The following ABCA9 variants were observed in gnomAD, a reference collection of about 807,000 sequenced individuals.
The protein encoded by ABCA9 is ATP binding cassette subfamily A member 9, also known as ATP-binding cassette sub-family A member 9.
ABCA9 carries 183 observed loss-of-function variants against 205.3 expected under a neutral mutation model. The observed-to-expected ratio is 0.89, with a 90% CI of 0.79 to 1.01. The LOEUF (loss-of-function observed/expected upper bound fraction) is 1.01. ABCA9 is among the 50% of genes least tolerant of loss of function. The probability of loss-of-function intolerance (pLI) is 0.00; values close to 1 mark genes in which losing one functional copy is unlikely to be tolerated. For synonymous variants in ABCA9, 651 were observed against 683.3 expected (o/e 0.95, Z 0.74); for missense variants, 1,805 against 1,912.4 (o/e 0.94, Z 1.05).
chr17:69,053,754 A>C (rs1490382626), intron 1 of ABCA9, among the ~76,000 whole-genome samples: 4 of 150,102 alleles, frequency 2.7e-5, no homozygotes, highest in African/African-American at 9.7e-5. Flanking sequence ...AGAAAGGAAC[A>C]GAAGAAATAC....
intron 6 of ABCA9, 150 bp from the exon 7 acceptor site, chr17:69,035,951 T>A (rs1467500294): frequency 4.2e-6 from 4 of 960,646 alleles, no homozygotes; most frequent in South Asian, 2.3e-5. Context: ...ACCCTCAGGA[T>A]CACATAATAT....
chr17:69,068,096 C>G, the ABCA9 span, among the ~76,000 whole-genome samples: 1 of 152,162 alleles, frequency 6.6e-6, no homozygotes, highest in Non-Finnish European at 1.5e-5. Context: ...GGTCTTTTTT[C>G]TCCAGAGAAA....
Position 69,026,963 on chromosome 17 carries a change from AAC to A in ABCA9, c.2050+11_2050+12del, listed in dbSNP as rs1260825588. The A allele has an allele frequency of 8.1e-6, 13 of 1,613,518 alleles. No individual in the cohort carries two copies. The highest frequency in any genetic ancestry group is 1.1e-5 in the Non-Finnish European group (13 of 1,179,772). ...ACCTCTCATGAAGATACATAAGAGA[AAC>A]AAAAAATTACCCGCCAGAATGTCAG... On this transcript the variant is annotated intron_variant, in intron 15 of 38. Coordinates refer to ENST00000340001, the MANE Select transcript of ABCA9 (RefSeq NM_080283.4).
At chr17:69,036,898 A>AAAAAAAAAAAAG (rs2071359813) in intron 6 of ABCA9, among the ~76,000 whole-genome samples, 1 of 121,554 alleles carries the variant, frequency 8.2e-6, no homozygotes, top group African/African-American at 2.9e-5. Context: ...AAAAAAAAAA[A>AAAAAAAAAAAAG]GCAGAGGTTG....
chr17:69,050,357 C>CGA (rs1436131157), intron 2 of ABCA9, among the ~76,000 whole-genome samples: 9 of 134,010 alleles, frequency 6.7e-5, no homozygotes, highest in Admixed American at 3.5e-4. Context: ...CACACACACA[C>CGA]ACACACACAC....
intron 10 of ABCA9, 126 bp downstream of exon 10, chr17:69,031,982 G>T: frequency 1.3e-6 from 1 of 771,094 alleles, no homozygotes; most frequent in Non-Finnish European, 2.1e-6. Flanking sequence ...TTTGATGAGT[G>T]CAGCAGGCTG....
In ABCA9 at chr17:68,984,061, C is replaced by A. The variant is rs2069150731; in HGVS notation, c.4494G>T (p.Arg1498Ser). The stretch of plus-strand genomic sequence containing the variant: ...CGGCTTGGACAGGCACTCACCTCAG[C>A]CTTCCTGACACCATGATGGCCACTC... ...CDRVAIMVSG[R>S]LRCIGSIQHL... The change falls in exon 35 of 39, where the codon AGG (arginine) becomes AGT (serine). Residue 1498 changes from arginine to serine, a missense_variant. By Grantham distance (110) the Arg-to-Ser change is moderately radical (BLOSUM62 -1). Transcript: ENST00000340001. The A allele has an allele frequency of 6.2e-7, 1 of 1,614,136 alleles. No homozygotes were observed. Among genetic ancestry groups the A allele is most frequent in the African/African-American group, 1.3e-5 (1 of 75,046 alleles).
At chr17:68,978,421 T>C (rs112530117) in intron 37 of ABCA9, among the ~76,000 whole-genome samples, 1 of 152,204 alleles carries the variant, frequency 6.6e-6, no homozygotes. Flanking sequence ...ATTCTTTATC[T>C]AATTTGCCAG....
intron 25 of ABCA9, among the ~76,000 whole-genome samples, chr17:68,997,095 T>C (rs1206481216): frequency 6.6e-6 from 1 of 152,186 alleles, no homozygotes; most frequent in Non-Finnish European, 1.5e-5. Context: ...CACGCCCAGC[T>C]AATTTTTGTA....
chr17:68,986,912 G>GA (rs2069256315), intron 31 of ABCA9, among the ~76,000 whole-genome samples: 1 of 152,140 alleles, frequency 6.6e-6, no homozygotes, highest in South Asian at 2.1e-4. Context: ...TATCGAGGTT[G>GA]AGAAATTCTG....
In ABCA9 at chr17:68,978,531, T is replaced by TG. The variant is rs767395389; in HGVS notation, c.4721-2342_4721-2341insC. ...TCATTAGGATGTTAGCTGGTTATTTTCTCGTTAGTTGATGCAGTTTCTTCC... is the reference window on the plus strand; with the variant it reads ...TCATTAGGATGTTAGCTGGTTATTTTGCTCGTTAGTTGATGCAGTTTCTTCC... On this transcript the variant is annotated intron_variant, in intron 37 of 38. Coordinates refer to ENST00000340001, the MANE Select transcript of ABCA9 (RefSeq NM_080283.4). Among the ~76,000 whole-genome samples, 320 of 152,298 alleles carry TG rather than the reference T, an allele frequency of 2.1e-3. 2 individuals are homozygous for TG. Among genetic ancestry groups the TG allele is most frequent in the Admixed American group, 5.4e-3 (82 of 15,302 alleles).
At chr17:69,059,709 G>C (rs2072176084) in intron 1 of ABCA9, among the ~76,000 whole-genome samples, 3 of 151,604 alleles carry the variant, frequency 2.0e-5, no homozygotes, top group African/African-American at 7.3e-5. Context: ...AGTTAACATG[G>C]GGGCAGGGTT....
At chr17:69,063,534 C>T (rs1283604728), upstream of ABCA9, among the ~76,000 whole-genome samples, 2 of 152,214 alleles carry the variant, frequency 1.3e-5, no homozygotes, top group Non-Finnish European at 2.9e-5. Flanking sequence ...TCAGATCTGG[C>T]TGCACTGCCT....
upstream of ABCA9, chr17:69,061,274 G>GT (rs1814032647): frequency 2.2e-6 from 1 of 457,064 alleles, no homozygotes; most frequent in African/African-American, 2.1e-5. Context: ...ACAAAGATAA[G>GT]TAAGAAGCCA....
upstream of ABCA9, among the ~76,000 whole-genome samples, chr17:69,064,230 TTC>T (rs1308244250): frequency 1.3e-5 from 2 of 152,226 alleles, no homozygotes; most frequent in African/African-American, 4.8e-5. Context: ...TGATTGTGTT[TTC>T]TCTGTTCCTT....
At chr17:68,995,661 G>A (rs964300458) in intron 26 of ABCA9, among the ~76,000 whole-genome samples, 1 of 149,078 alleles carries the variant, frequency 6.7e-6, no homozygotes, top group African/African-American at 2.5e-5. Context: ...GTTATCATGA[G>A]AACTAAACTT....
At chr17:69,017,929 T>A in intron 20 of ABCA9, 140 bp from the exon 21 acceptor site, 2 of 905,978 alleles carry the variant, frequency 2.2e-6, no homozygotes, top group Non-Finnish European at 3.3e-6. Flanking sequence ...GAATTGATGT[T>A]CTGGTACAAC....
Position 69,017,672 on chromosome 17 carries a change from AC to A in ABCA9, c.2884del (p.Val962CysfsTer12), listed in dbSNP as rs1246023165. On this transcript the variant is annotated frameshift_variant, in exon 21 of 39. Transcript: ENST00000340001. LOFTEE classifies it high-confidence loss of function. ...DDPSYNGAII[V>X]SGDEKDHRFS... ...CCAGCATACCTTTTCATCACCTGAC[AC>A]AATGATAGCACCATTGTAAGATGGG... 3 of 1,613,212 alleles carry A rather than the reference AC, an allele frequency of 1.9e-6. No homozygotes were observed. The East Asian group carries it at 6.7e-5, about 36-fold the overall frequency.
chr17:69,067,864 A>C, the ABCA9 span, among the ~76,000 whole-genome samples: 6 of 152,328 alleles, frequency 3.9e-5, no homozygotes, highest in African/African-American at 1.4e-4. Flanking sequence ...ATTTCTTGTC[A>C]GCTTCTGTTG....
Sources: gnomAD v4.1 joint callset for allele counts (sites outside exome capture counted in the v4.1 genomes callset) on GRCh38, gnomAD v4.1.1 for gene constraint, MANE v1.5 for transcripts, NCBI Gene and HGNC (gene_info 2026-07-23, HGNC 2026-07-21) for gene names.